Variants in SLC4A8 observed in about 807,000 individuals in gnomAD.
SLC4A8 encodes solute carrier family 4 member 8.
Under a neutral mutation model 125.0 loss-of-function variants are expected in SLC4A8, and 40 were observed. The ratio of observed to expected loss-of-function variants is 0.32; its 90% CI spans 0.25 to 0.42. The LOEUF is 0.42. Among genes scored for constraint, SLC4A8 ranks in the 10% least tolerant of loss-of-function variants. The pLI is 1.00. For synonymous variants in SLC4A8, 456 were observed against 476.0 expected (o/e 0.96, Z 0.55); for missense variants, 863 against 1,355.1 (o/e 0.64, Z 5.70).
At chr12:51,437,808 A>C (rs1949467693) in intron 1 of SLC4A8, among the ~76,000 whole-genome samples, 1 of 152,176 alleles carries the variant, frequency 6.6e-6, no homozygotes, top group African/African-American at 2.4e-5. Context: ...ATGAGCAAAG[A>C]CATAAAGGTG....
At chr12:51,493,185 T>G (rs1289204403) in intron 19 of SLC4A8, among the ~76,000 whole-genome samples, 1 of 152,040 alleles carries the variant, frequency 6.6e-6, no homozygotes, top group Admixed American at 6.5e-5. Flanking sequence ...GATGTTCAAG[T>G]GCAGTATAAT....
chr12:51,467,307 T>C (rs910760057), intron 11 of SLC4A8: 1 of 152,222 alleles, frequency 6.6e-6, no homozygotes, highest in Non-Finnish European at 1.5e-5. Flanking sequence ...CCAGATAGGC[T>C]AAAACTAAGG....
chr12:51,497,735 A>T (rs1485717166), intron 22 of SLC4A8: 1 of 152,138 alleles, frequency 6.6e-6, no homozygotes, highest in Non-Finnish European at 1.5e-5. Context: ...CTTTTAAAAG[A>T]CTTTTTTTTA....
chr12:51,433,325 C>T (rs762420994), intron 1 of SLC4A8, among the ~76,000 whole-genome samples: 2 of 152,158 alleles, frequency 1.3e-5, no homozygotes, highest in Non-Finnish European at 2.9e-5. Flanking sequence ...TTCACATTTA[C>T]GTAGTGGGTC....
chr12:51,415,452 C>G (rs76892837), intron 1 of SLC4A8, among the ~76,000 whole-genome samples: 4,072 of 152,128 alleles, frequency 0.027, 197 homozygotes, highest in African/African-American at 0.094. Context: ...TCTGTGTCTT[C>G]CCGGTTCAAT....
At chr12:51,416,205 T>G (rs1027557309) in intron 1 of SLC4A8, among the ~76,000 whole-genome samples, 1 of 135,056 alleles carries the variant, frequency 7.4e-6, no homozygotes, top group African/African-American at 2.9e-5. Context: ...TTGATGGAGG[T>G]CTTTTGTTTT....
intron 1 of SLC4A8, among the ~76,000 whole-genome samples, chr12:51,400,186 A>T (rs913904081): frequency 4.6e-5 from 7 of 152,232 alleles, no homozygotes; most frequent in African/African-American, 7.2e-5. Context: ...CTAACCACCC[A>T]GAGATCAGGA....
chr12:51,472,767 A>G (rs1950740724), intron 14 of SLC4A8, among the ~76,000 whole-genome samples: 1 of 152,186 alleles, frequency 6.6e-6, no homozygotes, highest in Admixed American at 6.5e-5. Flanking sequence ...AAAGCTCAAG[A>G]TGATATTTTT....
chr12:51,400,029 A>G (rs1948343284), intron 1 of SLC4A8, among the ~76,000 whole-genome samples: 1 of 150,830 alleles, frequency 6.6e-6, no homozygotes, highest in Admixed American at 6.6e-5. Context: ...AAGGTAGCAC[A>G]GAGGTACGAA....
At chr12:51,453,263 G>T (rs566176294) in intron 4 of SLC4A8, among the ~76,000 whole-genome samples, 25 of 152,094 alleles carry the variant, frequency 1.6e-4, no homozygotes, top group African/African-American at 6.0e-4. Context: ...ACAACTGCAG[G>T]GTTAATGAGG....
At chr12:51,474,474 T>A (rs1285405955) in intron 15 of SLC4A8, 27 bp downstream of exon 15, 2 of 1,606,774 alleles carry the variant, frequency 1.2e-6, no homozygotes, top group Non-Finnish European at 1.7e-6. Flanking sequence ...CCAGATGTCC[T>A]AGCATTGTGA....
At chr12:51,490,789 C>T (rs536264125) in intron 19 of SLC4A8, among the ~76,000 whole-genome samples, 2 of 152,112 alleles carry the variant, frequency 1.3e-5, no homozygotes, top group Non-Finnish European at 2.9e-5. Context: ...AGGGCCTTGT[C>T]GACAGTGGGC....
chr12:51,451,086 A>T, intron 3 of SLC4A8, 64 bp downstream of exon 3: 1 of 1,301,208 alleles, frequency 7.7e-7, no homozygotes, highest in South Asian at 1.9e-5. Flanking sequence ...CTGAGGGGAC[A>T]TGTGACTGAC....
At chr12:51,453,468 A>G in intron 4 of SLC4A8, 71 bp from the exon 5 acceptor site, 1 of 1,465,828 alleles carries the variant, frequency 6.8e-7, no homozygotes, top group South Asian at 1.2e-5. Context: ...TCTGTGGCTC[A>G]CATCGAAGAT....
At chr12:51,472,086 T>C (rs554803259) in intron 14 of SLC4A8, among the ~76,000 whole-genome samples, 1 of 152,346 alleles carries the variant, frequency 6.6e-6, no homozygotes, top group East Asian at 1.9e-4. Flanking sequence ...CTTAAGAGAT[T>C]ATGATTTCTT....
rs1938277744 is a variant in SLC4A8, at chr12:51,509,111, C to T, written c.*1673C>T. 1 of 152,630 alleles carries T rather than the reference C, an allele frequency of 6.6e-6. No individual in the cohort carries two copies. Among genetic ancestry groups the T allele is most frequent in the African/African-American group, 2.4e-5 (1 of 41,442 alleles). 9.5% of individuals were successfully genotyped at this position (152,630 alleles called of 1,614,324 possible). A position where few individuals can be genotyped will look rare whatever the true frequency, so the allele number is the denominator to read the frequency against. ...ACTCAGAAGGGATGCCTGCTGTAAA[C>T]AAGCAGTATGTATGGTTGTACCAAT... is the stretch of plus-strand genomic sequence containing the variant. On this transcript the variant is annotated 3_prime_UTR_variant, in exon 25 of 25. Coordinates refer to ENST00000453097, the MANE Select transcript of SLC4A8 (RefSeq NM_001039960.3).
At chr12:51,462,539 T>C in intron 10 of SLC4A8, 83 bp downstream of exon 10, 1 of 1,074,032 alleles carries the variant, frequency 9.3e-7, no homozygotes, top group Non-Finnish European at 1.3e-6. Flanking sequence ...TGTGGGTATA[T>C]GCTAAATATA....
intron 3 of SLC4A8, among the ~76,000 whole-genome samples, chr12:51,451,365 T>TC (rs1367520706): frequency 6.6e-6 from 1 of 152,128 alleles, no homozygotes; most frequent in African/African-American, 2.4e-5. Flanking sequence ...TGCCTTGACC[T>TC]CCCAAGGTAC....
chr12:51,419,921 G>A (rs139573556), upstream of SLC4A8, among the ~76,000 whole-genome samples: 753 of 152,338 alleles, frequency 4.9e-3, 5 homozygotes, highest in African/African-American at 0.017. Context: ...CTTTTGTGGC[G>A]CCTCAGACTC....
Sources: gnomAD v4.1 joint callset for allele counts (sites outside exome capture counted in the v4.1 genomes callset) on GRCh38, gnomAD v4.1.1 for gene constraint, MANE v1.5 for transcripts, NCBI Gene and HGNC (gene_info 2026-07-23, HGNC 2026-07-21) for gene names.